TCEAL4: variants seen among roughly 807,000 people sequenced by gnomAD.
TCEAL4 encodes the protein transcription elongation factor A protein-like 4.
A neutral mutation model predicts 1.3 loss-of-function variants in TCEAL4; 1 was observed. That is an observed-to-expected ratio of 0.79 (90% CI 0.28 to 3.76). TCEAL4 has a LOEUF of 3.76. TCEAL4 is among the 30% of genes most tolerant of loss of function. The pLI is 0.18. For missense variants in TCEAL4, 129 were observed against 154.7 expected (o/e 0.83, Z 0.88); for synonymous variants, 54 against 50.7 (o/e 1.06, Z -0.28).
exon 1 of TCEAL4, chrX:103,576,307 T>C (rs1305143716): frequency 1.5e-6 from 1 of 675,076 alleles, no homozygotes; most frequent in Non-Finnish European, 2.2e-6. Flanking sequence ...GTGGGATATC[T>C]ATTTATGATT....
At chrX:103,577,918 C>G (rs1348822113) in intron 2 of TCEAL4, among the ~76,000 whole-genome samples, 1 of 111,789 alleles carries the variant, frequency 8.9e-6, no homozygotes, top group East Asian at 2.8e-4. Flanking sequence ...GTGCAACCAT[C>G]ATCACAATCA....
chrX:103,578,212 A>G (rs1319361304), intron 2 of TCEAL4, among the ~76,000 whole-genome samples: 1 of 112,292 alleles, frequency 8.9e-6, no homozygotes, highest in Non-Finnish European at 1.9e-5. Flanking sequence ...TCCATTGTAC[A>G]GACATACCAT....
At position 103,586,881 on chromosome X, in the gene TCEAL4, G is replaced by C. The variant is rs908212559; in HGVS notation, c.206G>C (p.Gly69Ala). The change falls in exon 3 of 3, where the codon GGA (glycine) becomes GCA (alanine). Residue 69 changes from glycine (G) to alanine (A), a missense_variant. Physicochemically the swap from Gly to Ala is moderately conservative, Grantham distance 60 (BLOSUM62 0). Around this residue, in one of 2 missense-constraint regions of TCEAL4, gnomAD observed 116 missense variants for 120.3 expected, o/e 0.96. Coordinates refer to ENST00000472484, the MANE Select transcript of TCEAL4 (RefSeq NM_001006935.3). ...GATAAAGGAAAGCCAGAGAGTGAGGGAGAGGCAAAAGAAGGAAAGTCAGAG... is the reference window on the plus strand; with the variant it reads ...GATAAAGGAAAGCCAGAGAGTGAGGCAGAGGCAAAAGAAGGAAAGTCAGAG... ...LKDKGKPESE[G>A]EAKEGKSERE... 3.3e-5 allele frequency: 40 copies of C among 1,194,483 alleles called. No individual in the cohort carries two copies. The highest frequency in any genetic ancestry group is 3.6e-5 in the Non-Finnish European group (32 of 887,563).
Position 103,587,065 on chromosome X carries a change from T to A in TCEAL4, c.390T>A (p.Thr130=). The A allele has an allele frequency of 8.3e-7, 1 of 1,211,002 alleles. No homozygotes were observed. Residue 130 remains threonine (T), a synonymous_variant, in exon 3 of 3, where the codon ACT becomes ACA. Transcript: ENST00000472484. ...TACCCAGGAAAGCCAAAAGAAAAAC[T>A]AATAAGGGGCTGGCTCATTACCTCA... ...DDVPRKAKRK[T]NKGLAHYLKE...
chrX:103,583,098 G>A (rs1379944999), upstream of TCEAL4, among the ~76,000 whole-genome samples: 3 of 111,865 alleles, frequency 2.7e-5, no homozygotes, highest in Non-Finnish European at 3.8e-5. Context: ...ACATACATGA[G>A]GCCAAAAAAC....
intron 2 of TCEAL4, among the ~76,000 whole-genome samples, chrX:103,577,795 T>G (rs188732931): frequency 1.6e-4 from 18 of 112,112 alleles, no homozygotes; most frequent in Non-Finnish European, 3.0e-4. Flanking sequence ...TTTGAAATAA[T>G]CAATATTATG....
chrX:103,587,362 G>T lies in TCEAL4; in HGVS notation c.*39G>T, dbSNP rs752260147. 13 of 1,140,333 alleles carry T rather than the reference G, an allele frequency of 1.1e-5. No individual in the cohort carries two copies. The East Asian group carries it at 3.3e-4, about 29-fold the overall frequency. The allele number at this position is 1,140,333 out of a possible 1,213,427, so 94.0% of individuals were successfully genotyped here. On this transcript the variant is annotated 3_prime_UTR_variant, in exon 3 of 3. Coordinates refer to ENST00000472484, the MANE Select transcript of TCEAL4 (RefSeq NM_001006935.3). ...CATTTACCAGGCCATGTGCTTTAAC[G>T]TTACGGTAATACTTTACTTTAGGCA...
In TCEAL4 at chrX:103,587,284, G is replaced by A. The variant is rs1328126848; in HGVS notation, c.609G>A (p.Arg203=). Reference sequence around the variant, plus strand: ...CAAGGGAATTCAGGGGTGGCTGCAGGGCCCCACGAAGGGACATTGAAGACA... The same window carrying A: ...CAAGGGAATTCAGGGGTGGCTGCAGAGCCCCACGAAGGGACATTGAAGACA... The part of the protein sequence containing the change: ...RGPREFRGGC[R]APRRDIEDIP... Residue 203 remains arginine (R), a synonymous_variant, in exon 3 of 3, where the codon AGG becomes AGA. Coordinates refer to ENST00000472484, the MANE Select transcript of TCEAL4 (RefSeq NM_001006935.3). 2.5e-6 allele frequency: 3 copies of A among 1,191,432 alleles called. No homozygotes were observed. The South Asian group carries it at 5.7e-5, about 23-fold the overall frequency.
exon 2 of TCEAL4, chrX:103,577,179 A>G: frequency 8.6e-7 from 1 of 1,167,152 alleles, no homozygotes; most frequent in Non-Finnish European, 1.1e-6. Context: ...GTGGAGCGGG[A>G]CATAACAACT....
At chrX:103,582,935 C>G (rs761311742), upstream of TCEAL4, among the ~76,000 whole-genome samples, 1 of 111,928 alleles carries the variant, frequency 8.9e-6, no homozygotes, top group African/African-American at 3.2e-5. Flanking sequence ...TCAGAGTGAA[C>G]AGACAACCTA....
intron 2 of TCEAL4, among the ~76,000 whole-genome samples, chrX:103,580,362 T>C (rs1428702714): frequency 3.6e-5 from 4 of 112,630 alleles, no homozygotes; most frequent in African/African-American, 1.3e-4. Context: ...TTCCATTTTT[T>C]TTAAATTATA....
In TCEAL4 at chrX:103,577,157, C is replaced by CATA. The variant is rs778352523; in HGVS notation, c.128_129insTAA (p.His43_Ile44insAsn). 6.9e-6 allele frequency: 8 copies of CATA among 1,167,052 alleles called. 1 individual carries two copies. In the East Asian group the frequency reaches 2.6e-4, roughly 38 times the overall value. Reference sequence around the variant, plus strand: ...CTGTCAATGCGAAGAATGGAAAGGTCACATATCATATGTGGAGCGGGACAT... The same window carrying CATA: ...CTGTCAATGCGAAGAATGGAAAGGTCATAACATATCATATGTGGAGCGGGACAT... On this transcript the variant is annotated inframe_insertion, in exon 2 of 5. Transcript: ENST00000372629.
chrX:103,576,759 CTCAA>C (rs1486863573), intron 1 of TCEAL4, among the ~76,000 whole-genome samples: 3 of 111,534 alleles, frequency 2.7e-5, no homozygotes, highest in Non-Finnish European at 5.7e-5. Context: ...GCGAGACTGT[CTCAA>C]TCAATCAATC....
chrX:103,583,857 T>C (rs1316484533), upstream of TCEAL4, among the ~76,000 whole-genome samples: 3 of 112,093 alleles, frequency 2.7e-5, no homozygotes, highest in Non-Finnish European at 5.6e-5. Flanking sequence ...GAGCTTAAAA[T>C]AAAAGTTGAA....
intron 2 of TCEAL4, among the ~76,000 whole-genome samples, chrX:103,579,810 A>AGCTCTTC (rs772956996): frequency 4.2e-4 from 47 of 112,259 alleles, no homozygotes; most frequent in Middle Eastern, 4.6e-3. Flanking sequence ...CAGAAAATAA[A>AGCTCTTC]GCTCTTCATT....
intron 2 of TCEAL4, chrX:103,577,223 T>G: frequency 8.6e-7 from 1 of 1,163,314 alleles, no homozygotes; most frequent in Non-Finnish European, 1.1e-6. Flanking sequence ...GGTAAATAAA[T>G]GGATGCAATA....
rs374709861 is a variant in TCEAL4, at chrX:103,587,015, G to A, written c.340G>A (p.Gly114Arg). The change falls in exon 3 of 3, where the codon GGA (glycine) becomes AGA (arginine). Residue 114 changes from glycine (G) to arginine (R), a missense_variant. Gly to Arg is a moderately radical substitution (Grantham distance 125). Coordinates refer to ENST00000472484, the MANE Select transcript of TCEAL4 (RefSeq NM_001006935.3). Reference protein sequence around the residue: ...GEPGSETRAAGKRPAEDDVPR... With the variant: ...GEPGSETRAARKRPAEDDVPR... ...GCCAGGGAGTGAAACAAGGGCTGCAGGAAAGCGCCCAGCTGAGGATGATGT... is the reference window on the plus strand; with the variant it reads ...GCCAGGGAGTGAAACAAGGGCTGCAAGAAAGCGCCCAGCTGAGGATGATGT... 3.3e-6 allele frequency: 4 copies of A among 1,208,832 alleles called. No individual in the cohort carries two copies. The highest frequency in any genetic ancestry group is 3.4e-6 in the Non-Finnish European group (3 of 895,031).
In TCEAL4 at chrX:103,587,024, C is replaced by T. The variant is rs2073560089; in HGVS notation, c.349C>T (p.Pro117Ser). ...TGAAACAAGGGCTGCAGGAAAGCGC[C>T]CAGCTGAGGATGATGTACCCAGGAA... The part of the protein sequence containing the change: ...GSETRAAGKR[P>S]AEDDVPRKAK... Residue 117 changes from proline to serine, a missense_variant, in exon 3 of 3, where the codon CCA becomes TCA. By Grantham distance (74) the Pro-to-Ser change is moderately conservative (BLOSUM62 -1). This residue lies in a region of TCEAL4 where 116 missense variants were observed against 120.3 expected (regional missense o/e 0.96). Coordinates refer to ENST00000472484, the MANE Select transcript of TCEAL4 (RefSeq NM_001006935.3). 1.7e-6 allele frequency: 2 copies of T among 1,210,626 alleles called. No homozygotes were observed. The highest frequency in any genetic ancestry group is 1.7e-5 in the African/African-American group (1 of 57,357).
At chrX:103,583,867 A>T (rs1798241580), upstream of TCEAL4, among the ~76,000 whole-genome samples, 1 of 112,501 alleles carries the variant, frequency 8.9e-6, no homozygotes, top group African/African-American at 3.2e-5. Context: ...TAAAAGTTGA[A>T]GAAAGAAAAT....
Sources: allele counts gnomAD v4.1 joint callset (sites outside exome capture counted in the v4.1 genomes callset), GRCh38; gene constraint gnomAD v4.1.1; regional missense constraint gnomAD v4.1.1; transcripts MANE v1.5; gene names NCBI Gene and HGNC (gene_info 2026-07-23, HGNC 2026-07-21).